PSMD5: variants seen among roughly 807,000 people sequenced by gnomAD.
The protein encoded by PSMD5 is proteasome 26S subunit, non-ATPase 5.
Under a neutral mutation model 52.1 loss-of-function variants are expected in PSMD5, and 40 were observed. The observed-to-expected ratio is 0.77, with a 90% CI of 0.60 to 1.00. PSMD5 has a LOEUF of 1.00. Ranked by LOEUF, PSMD5 falls within the 50% of genes least tolerant of loss-of-function variation. PSMD5 has a pLI of 0.00. For missense variants in PSMD5, 575 were observed against 605.2 expected (o/e 0.95, Z 0.52); for synonymous variants, 211 against 226.6 (o/e 0.93, Z 0.62).
Position 120,829,104 on chromosome 9 carries a change from C to A in PSMD5, c.666G>T (p.Leu222Phe). 6.3e-7 allele frequency: 1 copy of A among 1,582,482 alleles called. No homozygotes were observed. The highest frequency in any genetic ancestry group is 1.8e-5 in the Admixed American group (1 of 54,518). ...LLRELTGEDV[L>F]VRATCIEMVT... ...TAAGAACTCAGTCAACACACCTGAC[C>A]AACACATCCTCACCAGTCAGCTCTC... is the stretch of plus-strand genomic sequence containing the variant. Residue 222 changes from leucine (L) to phenylalanine (F), a missense_variant, in exon 5 of 10, where the codon TTG becomes TTT. Leu to Phe is a conservative substitution (Grantham distance 22, BLOSUM62 0). Coordinates refer to ENST00000210313, the MANE Select transcript of PSMD5 (RefSeq NM_005047.4).
chr9:120,830,246 T>C (rs1161653969), intron 4 of PSMD5, among the ~76,000 whole-genome samples: 1 of 152,134 alleles, frequency 6.6e-6, no homozygotes, highest in African/African-American at 2.4e-5. Context: ...TATTTTTTAT[T>C]AGGGGGATAG....
intron 1 of PSMD5, among the ~76,000 whole-genome samples, chr9:120,837,091 GTGT>G (rs2045203174): frequency 3.3e-5 from 5 of 152,070 alleles, no homozygotes; most frequent in South Asian, 2.1e-4. Flanking sequence ...GGGTTTCACT[GTGT>G]TAGCCAGGAT....
intron 7 of PSMD5, among the ~76,000 whole-genome samples, chr9:120,823,001 TTTG>T (rs947877882): frequency 4.1e-5 from 6 of 144,680 alleles, no homozygotes; most frequent in East Asian, 2.2e-4. Context: ...GCTAATTTTT[TTTG>T]TTGTTGTTGT....
rs1432646713 is a variant in PSMD5, at chr9:120,816,658, G to C, written c.*1248C>G. 2.6e-5 allele frequency: 4 copies of C among 152,190 alleles called. No individual in the cohort carries two copies. Among genetic ancestry groups the C allele is most frequent in the Non-Finnish European group, 5.9e-5 (4 of 68,054 alleles). The allele number at this position is 152,190 out of a possible 1,614,324, so 9.4% of individuals were successfully genotyped here. On this transcript the variant is annotated 3_prime_UTR_variant, in exon 10 of 10. Transcript: ENST00000210313. ...CTTCACCACGGCCTAAAAGAAATATGCTCATGCATAAACCTCTGAACAGGT... is the reference window on the plus strand; with the variant it reads ...CTTCACCACGGCCTAAAAGAAATATCCTCATGCATAAACCTCTGAACAGGT...
At chr9:120,826,040 G>C (rs2045119661) in intron 6 of PSMD5, among the ~76,000 whole-genome samples, 1 of 148,748 alleles carries the variant, frequency 6.7e-6, no homozygotes, top group Admixed American at 6.7e-5. Context: ...TGTTGTCCAG[G>C]CTGGAGTGCA....
intron 5 of PSMD5, among the ~76,000 whole-genome samples, chr9:120,827,517 T>C (rs2045130678): frequency 6.6e-6 from 1 of 152,250 alleles, no homozygotes; most frequent in Non-Finnish European, 1.5e-5. Flanking sequence ...AAAATTTATT[T>C]AGTTGGTGGT....
In PSMD5 at chr9:120,818,128, CAT is replaced by C. The variant is rs1273508716; in HGVS notation, c.1291_1292del (p.Met431ValfsTer2). The C allele has an allele frequency of 4.3e-6, 7 of 1,613,920 alleles. No homozygotes were observed. The South Asian group carries it at 7.7e-5, about 18-fold the overall frequency. ...IANQPWAQKLMFNSPGFVEYV... is the reference protein window; with the variant it reads ...IANQPWAQKLXFNSPGFVEYV... Reference sequence around the variant, plus strand: ...ATTCTACAAAACCTGGACTGTTAAACATAAGTTTCTGAGCCCAGGGTTGGTTT... The same window carrying C: ...ATTCTACAAAACCTGGACTGTTAAACAAGTTTCTGAGCCCAGGGTTGGTTT... On this transcript the variant is annotated frameshift_variant, in exon 10 of 10. Coordinates refer to ENST00000210313, the MANE Select transcript of PSMD5 (RefSeq NM_005047.4). LOFTEE classifies it high-confidence loss of function.
At chr9:120,823,980 GC>G (rs2045103852) in intron 7 of PSMD5, 1 of 152,120 alleles carries the variant, frequency 6.6e-6, no homozygotes, top group South Asian at 2.1e-4. Context: ...AGTTCAAAAA[GC>G]AAAGTCAGGG....
chr9:120,841,143 G>C (rs2131440625), intron 1 of PSMD5, among the ~76,000 whole-genome samples: 1 of 152,326 alleles, frequency 6.6e-6, no homozygotes, highest in Middle Eastern at 3.4e-3. Flanking sequence ...CCTATTAATA[G>C]TTTCTGGTGT....
In PSMD5 at chr9:120,832,700, T is replaced by A. The variant is rs1230303097; in HGVS notation, c.318+612A>T. Among the ~76,000 whole-genome samples the A allele has an allele frequency of 3.3e-5, 5 of 152,186 alleles. No individual in the cohort carries two copies. The South Asian group carries it at 1.0e-3, about 31-fold the overall frequency. ...CGTGAGCCACTGTGCCCAGCGCCCT[T>A]TTTTGCTGAATAAACACAGAAAAGG... On this transcript the variant is annotated intron_variant, in intron 2 of 9. Transcript: ENST00000210313.
At chr9:120,835,892 C>T (rs1030131760) in intron 1 of PSMD5, among the ~76,000 whole-genome samples, 5 of 152,082 alleles carry the variant, frequency 3.3e-5, no homozygotes, top group Non-Finnish European at 7.4e-5. Context: ...CTCTTAAACG[C>T]ACAGTTCTGT....
intron 1 of PSMD5, among the ~76,000 whole-genome samples, chr9:120,838,217 T>C (rs1399887747): frequency 6.6e-6 from 1 of 152,226 alleles, no homozygotes; most frequent in Non-Finnish European, 1.5e-5. Context: ...TATATACATA[T>C]GTCAAAACTT....
chr9:120,832,002 C>A, intron 2 of PSMD5, 57 bp from the exon 3 acceptor site: 4 of 1,569,418 alleles, frequency 2.5e-6, no homozygotes, highest in Non-Finnish European at 2.6e-6. Flanking sequence ...ACGGTAAACA[C>A]ACGATGGTCC....
intron 7 of PSMD5, 170 bp downstream of exon 7, chr9:120,824,322 GTT>G (rs771341026): frequency 3.1e-6 from 2 of 639,524 alleles, no homozygotes; most frequent in African/African-American, 3.8e-5. Flanking sequence ...AAAAAAAAAG[GTT>G]TTCCGTAATA....
At chr9:120,841,650 C>T (rs1355879599) in intron 1 of PSMD5, among the ~76,000 whole-genome samples, 1 of 152,134 alleles carries the variant, frequency 6.6e-6, no homozygotes, top group Non-Finnish European at 1.5e-5. Flanking sequence ...CATATATATA[C>T]ATCTACCTCA....
chr9:120,824,218 T>C (rs1466629019), intron 7 of PSMD5: 1 of 422,180 alleles, frequency 2.4e-6, no homozygotes, highest in Non-Finnish European at 4.3e-6. Context: ...AAAGAAGACA[T>C]CATAGAGGGG....
intron 9 of PSMD5, 122 bp from the exon 10 acceptor site, chr9:120,818,285 G>A (rs2045059443): frequency 2.0e-6 from 2 of 978,362 alleles, no homozygotes; most frequent in East Asian, 2.6e-5. Flanking sequence ...TTTTGTCTAA[G>A]TAAATTCCTT....
At chr9:120,837,418 G>A (rs1360733562) in intron 1 of PSMD5, among the ~76,000 whole-genome samples, 1 of 152,140 alleles carries the variant, frequency 6.6e-6, no homozygotes, top group South Asian at 2.1e-4. Context: ...GTGTAGTGGA[G>A]CAATCACAGG....
intron 7 of PSMD5, 27 bp downstream of exon 7, chr9:120,824,466 TC>T (rs759978461): frequency 6.2e-7 from 1 of 1,606,508 alleles, no homozygotes; most frequent in Admixed American, 1.7e-5. Flanking sequence ...GATTAAGATA[TC>T]CCTGAACAGG....
Sources: allele counts gnomAD v4.1 joint callset (sites outside exome capture counted in the v4.1 genomes callset), GRCh38; gene constraint gnomAD v4.1.1; transcripts MANE v1.5; gene names NCBI Gene and HGNC (gene_info 2026-07-23, HGNC 2026-07-21).